NLN: variants seen among roughly 807,000 people sequenced by gnomAD.
NLN encodes neurolysin.
Under a neutral mutation model 79.9 loss-of-function variants are expected in NLN, and 64 were observed. The observed-to-expected ratio is 0.80, with a 90% CI of 0.65 to 0.99. The LOEUF is 0.99. Among genes scored for constraint, NLN ranks in the 50% least tolerant of loss-of-function variants. The pLI is 0.00. For missense variants in NLN, 835 were observed against 858.7 expected (o/e 0.97, Z 0.34); for synonymous variants, 267 against 296.6 (o/e 0.90, Z 1.02).
intron 1 of NLN, among the ~76,000 whole-genome samples, chr5:65,744,818 T>C (rs1758940636): frequency 6.6e-6 from 1 of 152,072 alleles, no homozygotes; most frequent in African/African-American, 2.4e-5. Flanking sequence ...GAGGTTACAG[T>C]GAGCCAAAAT....
At chr5:65,761,739 T>A (rs1219014405) in intron 2 of NLN, among the ~76,000 whole-genome samples, 2 of 152,268 alleles carry the variant, frequency 1.3e-5, no homozygotes, top group Non-Finnish European at 2.9e-5. Flanking sequence ...CATAATTTCA[T>A]AATTTGATAT....
At chr5:65,762,851 TAAAAC>T in intron 2 of NLN, 104 bp from the exon 3 acceptor site, 2 of 1,115,742 alleles carry the variant, frequency 1.8e-6, no homozygotes, top group South Asian at 1.6e-5. Flanking sequence ...AAGTATAAAA[TAAAAC>T]AAACTTTTAT....
chr5:65,794,837 T>C (rs1385030826), intron 9 of NLN, among the ~76,000 whole-genome samples: 4 of 152,178 alleles, frequency 2.6e-5, no homozygotes, highest in African/African-American at 9.7e-5. Context: ...ATGTACCCAT[T>C]CATTTCCAAA....
intron 6 of NLN, among the ~76,000 whole-genome samples, chr5:65,782,894 A>G (rs1759829518): frequency 6.6e-6 from 1 of 152,230 alleles, no homozygotes; most frequent in South Asian, 2.1e-4. Context: ...AGTTATGGCA[A>G]GCAACAGTTT....
intron 1 of NLN, among the ~76,000 whole-genome samples, chr5:65,737,925 G>A (rs1758762838): frequency 6.6e-6 from 1 of 152,072 alleles, no homozygotes; most frequent in Non-Finnish European, 1.5e-5. Context: ...TAGCTCAGGA[G>A]CCCAAGACCA....
chr5:65,769,909 A>G (rs1444275196), intron 3 of NLN, among the ~76,000 whole-genome samples: 1 of 152,248 alleles, frequency 6.6e-6, no homozygotes, highest in Non-Finnish European at 1.5e-5. Flanking sequence ...ATAAAAAGCA[A>G]GCATTCAGTA....
rs1456858935 is a variant in NLN, at chr5:65,785,860, T to TC, written c.910dup (p.Leu304ProfsTer2). On this transcript the variant is annotated frameshift_variant, in exon 7 of 13. Transcript: ENST00000380985. LOFTEE classifies it high-confidence loss of function. ...GGTTATAGCACACATGCTGACTTCG[T>TC]CCTTGAAATGAACACTGCAAAGAGC... is the stretch of plus-strand genomic sequence containing the variant. 1.2e-6 allele frequency: 2 copies of TC among 1,613,706 alleles called. No homozygotes were observed. The highest frequency in any genetic ancestry group is 1.7e-6 in the Non-Finnish European group (2 of 1,179,902).
chr5:65,810,747 A>G (rs1388790873), intron 11 of NLN, among the ~76,000 whole-genome samples: 2 of 152,116 alleles, frequency 1.3e-5, no homozygotes, highest in African/African-American at 4.8e-5. Flanking sequence ...TGGGAGGCTG[A>G]GGCAGGAAGA....
intron 1 of NLN, among the ~76,000 whole-genome samples, chr5:65,743,074 A>G (rs1346139174): frequency 6.6e-6 from 1 of 152,262 alleles, no homozygotes; most frequent in Non-Finnish European, 1.5e-5. Flanking sequence ...CCACATTCCC[A>G]AAGAGCTTAC....
At chr5:65,805,807 C>A (rs1760399894) in intron 9 of NLN, among the ~76,000 whole-genome samples, 1 of 152,184 alleles carries the variant, frequency 6.6e-6, no homozygotes, top group Non-Finnish European at 1.5e-5. Context: ...GTAGAAGATG[C>A]CGTCTAGGAC....
At position 65,791,981 on chromosome 5, in the gene NLN, G is replaced by A. The variant is rs1760071661; in HGVS notation, c.1326-473G>A. 2.0e-5 allele frequency among the ~76,000 whole-genome samples: 3 copies of A among 152,156 alleles called. No individual in the cohort carries two copies. In the South Asian group the frequency reaches 6.2e-4, roughly 32 times the overall value. ...TTATAAAAGAAGCTTATTTAATTGT[G>A]ATTACTGATTCTTTCCTCCTCAAAT... On this transcript the variant is annotated intron_variant, in intron 8 of 12. Transcript: ENST00000380985.
intron 3 of NLN, among the ~76,000 whole-genome samples, chr5:65,776,728 C>G (rs866640187): frequency 1.3e-5 from 2 of 152,142 alleles, no homozygotes; most frequent in South Asian, 4.1e-4. Context: ...TTTCCATTCC[C>G]CTCCATGGCC....
At chr5:65,806,325 T>C (rs1242803976) in intron 9 of NLN, among the ~76,000 whole-genome samples, 1 of 152,228 alleles carries the variant, frequency 6.6e-6, no homozygotes, top group East Asian at 1.9e-4. Context: ...CTTGGCAAAG[T>C]ACATTGACAA....
chr5:65,733,841 T>C (rs1420009280), intron 1 of NLN, among the ~76,000 whole-genome samples: 1 of 136,970 alleles, frequency 7.3e-6, no homozygotes, highest in Non-Finnish European at 1.6e-5. Context: ...TGCCTCAGCC[T>C]CCCTAGTAGC....
chr5:65,723,293 CG>C (rs2150729162), intron 1 of NLN, among the ~76,000 whole-genome samples: 1 of 152,280 alleles, frequency 6.6e-6, no homozygotes, highest in Admixed American at 6.5e-5. Context: ...CATTGCCACT[CG>C]TCTGTGTGGA....
At chr5:65,748,200 C>T (rs572723016) in intron 1 of NLN, among the ~76,000 whole-genome samples, 1 of 151,928 alleles carries the variant, frequency 6.6e-6, no homozygotes, top group Non-Finnish European at 1.5e-5. Flanking sequence ...GAGTCTGTCT[C>T]AAAAACAAAA....
chr5:65,781,378 C>G lies in NLN; in HGVS notation c.779C>G (p.Thr260Ser). 6.2e-7 allele frequency: 1 copy of G among 1,609,040 alleles called. No individual in the cohort carries two copies. Among genetic ancestry groups the G allele is most frequent in the South Asian group, 1.1e-5 (1 of 90,922 alleles). ...PVMKKCCIPE[T>S]RRRMEMAFNT... The stretch of plus-strand genomic sequence containing the variant: ...ATGAAGAAATGTTGTATCCCTGAAA[C>G]CAGAAGAAGGATGGAAATGGCTTTT... Residue 260 changes from threonine (T) to serine (S), a missense_variant, in exon 6 of 13, where the codon ACC becomes AGC. Thr to Ser is a moderately conservative substitution (Grantham distance 58, BLOSUM62 1). Coordinates refer to ENST00000380985, the MANE Select transcript of NLN (RefSeq NM_020726.5).
chr5:65,762,268 C>T (rs1047676557), intron 2 of NLN, among the ~76,000 whole-genome samples: 9 of 152,004 alleles, frequency 5.9e-5, no homozygotes, highest in Non-Finnish European at 7.4e-5. Context: ...GGGTAGGGTC[C>T]GTTGCTTTGA....
intron 2 of NLN, among the ~76,000 whole-genome samples, chr5:65,760,464 G>A (rs1367926814): frequency 6.6e-6 from 1 of 152,162 alleles, no homozygotes; most frequent in Non-Finnish European, 1.5e-5. Context: ...TTTGTCCTTG[G>A]TTCAGGTGCT....
Sources: gnomAD v4.1 joint callset for allele counts (sites outside exome capture counted in the v4.1 genomes callset) on GRCh38, gnomAD v4.1.1 for gene constraint, MANE v1.5 for transcripts, NCBI Gene and HGNC (gene_info 2026-07-23, HGNC 2026-07-21) for gene names.